The following RALYL variants were observed in gnomAD, a reference collection of about 807,000 sequenced individuals.
The protein encoded by RALYL is RALY RNA binding protein like.
A neutral mutation model predicts 35.1 loss-of-function variants in RALYL; 29 were observed. The ratio of observed to expected loss-of-function variants is 0.83; its 90% confidence interval spans 0.61 to 1.13. The LOEUF is 1.13. Among genes scored for constraint, RALYL ranks in the 50% most tolerant of loss-of-function variants. The pLI, the probability that RALYL is intolerant of heterozygous loss-of-function variation, is 0.00. For synonymous variants in RALYL, 120 were observed against 127.6 expected (o/e 0.94, Z 0.40); for missense variants, 359 against 360.4 (o/e 1.00, Z 0.03).
intron 1 of RALYL, among the ~76,000 whole-genome samples, chr8:84,400,356 A>G (rs909904930): frequency 1.3e-5 from 2 of 152,168 alleles, no homozygotes; most frequent in African/African-American, 4.8e-5. Flanking sequence ...GTGTAATGTC[A>G]ACACTCAAAA....
intron 2 of RALYL, among the ~76,000 whole-genome samples, chr8:84,660,248 G>T (rs1830659053): frequency 6.6e-6 from 1 of 151,924 alleles, no homozygotes; most frequent in African/African-American, 2.4e-5. Flanking sequence ...TCTCAATAAT[G>T]ATATATCTCA....
intron 2 of RALYL, among the ~76,000 whole-genome samples, chr8:84,588,210 T>A (rs1353936438): frequency 6.6e-6 from 1 of 151,988 alleles, no homozygotes. Flanking sequence ...CTTACCTAGG[T>A]TGTTAAATTA....
At chr8:84,580,619 G>T (rs1174745546) in intron 2 of RALYL, among the ~76,000 whole-genome samples, 1 of 152,162 alleles carries the variant, frequency 6.6e-6, no homozygotes, top group Admixed American at 6.5e-5. Flanking sequence ...TGTGAAATTT[G>T]AAGGAGACAA....
intron 3 of RALYL, among the ~76,000 whole-genome samples, chr8:84,802,575 C>G (rs1823595782): frequency 6.6e-6 from 1 of 151,948 alleles, no homozygotes; most frequent in South Asian, 2.1e-4. Context: ...TCTAATCCAA[C>G]AGTTGCTTGT....
At chr8:84,446,884 G>A (rs2048912844) in intron 1 of RALYL, among the ~76,000 whole-genome samples, 1 of 152,076 alleles carries the variant, frequency 6.6e-6, no homozygotes, top group South Asian at 2.1e-4. Context: ...TTTTGGCAAT[G>A]CCATACTGAT....
chr8:84,416,040 T>C (rs2044665253), intron 1 of RALYL, among the ~76,000 whole-genome samples: 1 of 152,196 alleles, frequency 6.6e-6, no homozygotes, highest in Non-Finnish European at 1.5e-5. Context: ...TGTAGATATG[T>C]TTGTATCATA....
intron 1 of RALYL, among the ~76,000 whole-genome samples, chr8:84,463,633 C>T (rs2051094795): frequency 6.6e-6 from 1 of 152,010 alleles, no homozygotes; most frequent in South Asian, 2.1e-4. Context: ...TATTTAACTT[C>T]TTTAAGCTTA....
At chr8:84,492,909 C>T (rs540968849) in intron 1 of RALYL, among the ~76,000 whole-genome samples, 28 of 148,398 alleles carry the variant, frequency 1.9e-4, no homozygotes, top group Admixed American at 3.3e-4. Flanking sequence ...ATATATCCAT[C>T]TTTTTTTAAA....
chr8:84,305,836 T>C (rs1841681651), intron 1 of RALYL, among the ~76,000 whole-genome samples: 1 of 152,106 alleles, frequency 6.6e-6, no homozygotes, highest in African/African-American at 2.4e-5. Context: ...AAATGAACTA[T>C]TAATGTAAAT....
intron 2 of RALYL, among the ~76,000 whole-genome samples, chr8:84,641,794 A>C: frequency 6.6e-6 from 1 of 151,084 alleles, no homozygotes; most frequent in East Asian, 1.9e-4. Context: ...TTTGTAAAAA[A>C]AAAAAAAAAA....
intron 2 of RALYL, among the ~76,000 whole-genome samples, chr8:84,660,990 G>A (rs899697148): frequency 6.6e-6 from 1 of 151,950 alleles, no homozygotes; most frequent in Non-Finnish European, 1.5e-5. Flanking sequence ...GTGCAGTAGT[G>A]CAATCTCGGC....
intron 1 of RALYL, among the ~76,000 whole-genome samples, chr8:84,308,356 C>G (rs969493935): frequency 2.6e-5 from 4 of 151,628 alleles, no homozygotes; most frequent in African/African-American, 9.7e-5. Flanking sequence ...TATTATATAT[C>G]TTAATTAAAA....
At chr8:84,787,513 T>C (rs1436856841) in intron 3 of RALYL, among the ~76,000 whole-genome samples, 2 of 152,206 alleles carry the variant, frequency 1.3e-5, no homozygotes, top group Non-Finnish European at 2.9e-5. Flanking sequence ...GTAGAATGAT[T>C]TATAATCCTT....
intron 2 of RALYL, among the ~76,000 whole-genome samples, chr8:84,538,158 C>T (rs1225868336): frequency 6.6e-6 from 1 of 152,286 alleles, no homozygotes; most frequent in South Asian, 2.1e-4. Flanking sequence ...CATGGCCCCA[C>T]ATATGATAGA....
At chr8:84,326,033 A>G (rs1192984929) in intron 1 of RALYL, among the ~76,000 whole-genome samples, 1 of 152,002 alleles carries the variant, frequency 6.6e-6, no homozygotes, top group African/African-American at 2.4e-5. Flanking sequence ...AATCCCTTGA[A>G]CCTGGGAGGC....
At chr8:84,185,874 A>G (rs1185668733) in intron 1 of RALYL, among the ~76,000 whole-genome samples, 2 of 152,162 alleles carry the variant, frequency 1.3e-5, no homozygotes, top group Non-Finnish European at 1.5e-5. Flanking sequence ...ACTGTCTGTA[A>G]CCTCAGTTTG....
intron 1 of RALYL, among the ~76,000 whole-genome samples, chr8:84,225,308 A>G (rs1409057408): frequency 1.3e-5 from 2 of 152,178 alleles, no homozygotes; most frequent in African/African-American, 4.8e-5. Context: ...TCATGTTTAC[A>G]AGCTCTAATC....
At chr8:84,646,783 C>A (rs1251099776) in intron 2 of RALYL, among the ~76,000 whole-genome samples, 1 of 152,010 alleles carries the variant, frequency 6.6e-6, no homozygotes, top group Non-Finnish European at 1.5e-5. Flanking sequence ...CATCTACTGT[C>A]AATAACTCCC....
Position 84,887,790 on chromosome 8 carries a change from A to AG in RALYL, c.858+14_858+15insG. The AG allele has an allele frequency of 6.2e-7, 1 of 1,607,046 alleles. No individual in the cohort carries two copies. The highest frequency in any genetic ancestry group is 8.5e-7 in the Non-Finnish European group (1 of 1,176,722). ...GGTCATGAGCTGGTAGGAAAGAAAC[A>AG]TTTGGTATTCACACCCTTTGGGTAA... On this transcript the variant is annotated intron_variant, in intron 8 of 8. Transcript: ENST00000521268.
Sources: gnomAD v4.1 joint callset for allele counts (sites outside exome capture counted in the v4.1 genomes callset) on GRCh38, gnomAD v4.1.1 for gene constraint, MANE v1.5 for transcripts, NCBI Gene and HGNC (gene_info 2026-07-23, HGNC 2026-07-21) for gene names.